Variants in EFCAB6 observed in about 807,000 individuals in gnomAD.
The protein encoded by EFCAB6 is EF-hand calcium-binding domain-containing protein 6.
A neutral mutation model predicts 169.8 loss-of-function variants in EFCAB6; 156 were observed. The observed-to-expected ratio is 0.92, with a 90% CI of 0.81 to 1.05. The LOEUF (loss-of-function observed/expected upper bound fraction) is 1.05, where lower values mean the gene tolerates loss of function less well. Among genes scored for constraint, EFCAB6 ranks in the 50% least tolerant of loss-of-function variants. The pLI is 0.00. For synonymous variants in EFCAB6, 698 were observed against 676.4 expected (o/e 1.03, Z -0.50); for missense variants, 1,800 against 1,829.1 (o/e 0.98, Z 0.29).
chr22:43,756,230 A>C (rs972733103), intron 5 of EFCAB6, among the ~76,000 whole-genome samples: 1 of 152,184 alleles, frequency 6.6e-6, no homozygotes, highest in Non-Finnish European at 1.5e-5. Flanking sequence ...TAGATGAGGA[A>C]AATGAAGGTC....
At chr22:43,753,349 G>A (rs981443773) in intron 6 of EFCAB6, among the ~76,000 whole-genome samples, 8 of 152,298 alleles carry the variant, frequency 5.3e-5, no homozygotes, top group East Asian at 1.9e-4. Context: ...TGAGGAATGC[G>A]CCAGGACTTA....
chr22:43,669,579 G>T (rs975425428), intron 15 of EFCAB6, among the ~76,000 whole-genome samples: 2 of 152,178 alleles, frequency 1.3e-5, no homozygotes, highest in African/African-American at 4.8e-5. Flanking sequence ...AGGGAGTGAT[G>T]ATGAATTGCT....
chr22:43,618,971 G>A (rs2053936453), intron 20 of EFCAB6, among the ~76,000 whole-genome samples: 1 of 151,818 alleles, frequency 6.6e-6, no homozygotes. Context: ...GAGACATGCG[G>A]AGCAGCACAG....
chr22:43,773,705 G>T (rs1160956009), intron 3 of EFCAB6, among the ~76,000 whole-genome samples: 1 of 152,190 alleles, frequency 6.6e-6, no homozygotes, highest in Non-Finnish European at 1.5e-5. Context: ...AAATTAGCTG[G>T]GTGTGGTGGC....
At chr22:43,811,305 GGGAGGGGAGC>G (rs1444824004) in intron 1 of EFCAB6, among the ~76,000 whole-genome samples, 1 of 143,018 alleles carries the variant, frequency 7.0e-6, no homozygotes, top group Non-Finnish European at 1.5e-5. Flanking sequence ...GGGAGGGAAG[GGGAGGGGAGC>G]GGAGGGGAAG....
At chr22:43,699,571 T>C (rs908728242) in intron 10 of EFCAB6, among the ~76,000 whole-genome samples, 1 of 152,172 alleles carries the variant, frequency 6.6e-6, no homozygotes, top group Non-Finnish European at 1.5e-5. Context: ...CTCTGACCAA[T>C]GTAATGTTCA....
At chr22:43,670,532 C>G (rs531273226) in intron 15 of EFCAB6, among the ~76,000 whole-genome samples, 2 of 152,190 alleles carry the variant, frequency 1.3e-5, no homozygotes, top group Non-Finnish European at 2.9e-5. Context: ...TAAATCGCAG[C>G]TGTAATAACA....
At chr22:43,604,502 C>T (rs1381951455) in intron 22 of EFCAB6, among the ~76,000 whole-genome samples, 1 of 152,154 alleles carries the variant, frequency 6.6e-6, no homozygotes, top group Admixed American at 6.5e-5. Context: ...TAAAAGTCAC[C>T]CTCTGACATC....
intron 10 of EFCAB6, among the ~76,000 whole-genome samples, chr22:43,707,812 A>C (rs1569421851): frequency 6.6e-6 from 1 of 152,222 alleles, no homozygotes; most frequent in African/African-American, 2.4e-5. Flanking sequence ...TAATGAGCAA[A>C]CAAACTGGTA....
chr22:43,772,891 C>G lies in EFCAB6; in HGVS notation c.351+1G>C. The G allele has an allele frequency of 1.2e-6, 2 of 1,614,184 alleles. No individual in the cohort carries two copies. Among genetic ancestry groups the G allele is most frequent in the East Asian group, 2.2e-5 (1 of 44,882 alleles). ...TTCTAAGTATGTACAACATACAGCACCTGAGCCAACACGTCCTGAAACTGT... is the reference window on the plus strand; with the variant it reads ...TTCTAAGTATGTACAACATACAGCAGCTGAGCCAACACGTCCTGAAACTGT... On this transcript the variant is annotated splice_donor_variant, in intron 4 of 31. Transcript: ENST00000262726. LOFTEE classifies it high-confidence loss of function.
At chr22:43,678,726 T>G (rs1308441491) in intron 12 of EFCAB6, among the ~76,000 whole-genome samples, 1 of 152,080 alleles carries the variant, frequency 6.6e-6, no homozygotes, top group Non-Finnish European at 1.5e-5. Context: ...GAGAAAAAAT[T>G]TCTTCCCCCA....
chr22:43,541,754 C>G (rs1213860839), intron 27 of EFCAB6, among the ~76,000 whole-genome samples: 3 of 152,214 alleles, frequency 2.0e-5, no homozygotes, highest in Non-Finnish European at 4.4e-5. Context: ...GATGGCCCCC[C>G]TGACACCTTC....
chr22:43,732,939 T>C (rs1408997725), intron 7 of EFCAB6, among the ~76,000 whole-genome samples: 1 of 152,246 alleles, frequency 6.6e-6, no homozygotes, highest in East Asian at 1.9e-4. Context: ...CCATATGTGT[T>C]GATTTCTATA....
rs148518062 is a variant in EFCAB6, at chr22:43,663,938, T to A, written c.1983+3166A>T. ...TGCAAGCCACCGAGTCCAGGGTACT[T>A]TGTTAAAGCTGCCCAAACTGACTAA... On this transcript the variant is annotated intron_variant, in intron 17 of 31. Transcript: ENST00000262726. Among the ~76,000 whole-genome samples the A allele has an allele frequency of 3.3e-3, 500 of 152,264 alleles. 1 individual carries two copies. Among genetic ancestry groups the A allele is most frequent in the African/African-American group, 0.012 (480 of 41,548 alleles).
At chr22:43,801,419 A>T (rs753724338) in intron 2 of EFCAB6, among the ~76,000 whole-genome samples, 1 of 152,236 alleles carries the variant, frequency 6.6e-6, no homozygotes, top group Non-Finnish European at 1.5e-5. Context: ...AAGTACACAG[A>T]CAAACCTGGG....
At position 43,587,443 on chromosome 22, in the gene EFCAB6, TTGTTGGCAGGAC is replaced by T. The variant is rs1477919676; in HGVS notation, c.3032+2619_3032+2630del. 3.3e-5 allele frequency among the ~76,000 whole-genome samples: 5 copies of T among 152,244 alleles called. No homozygotes were observed. The East Asian group carries it at 9.6e-4, about 29-fold the overall frequency. On this transcript the variant is annotated intron_variant, in intron 24 of 31. Transcript: ENST00000262726. The stretch of plus-strand genomic sequence containing the variant: ...ACCGGAATCTAAAATGAGTTCCCTG[TTGTTGGCAGGAC>T]TGTACTTTCCCTGGAGATTCTAGAA...
intron 8 of EFCAB6, among the ~76,000 whole-genome samples, chr22:43,727,702 G>A (rs961185385): frequency 2.0e-5 from 3 of 152,112 alleles, no homozygotes; most frequent in African/African-American, 7.2e-5. Flanking sequence ...CTTAGAGGTA[G>A]GTTCTGATTA....
At chr22:43,786,517 C>G (rs1569488883) in intron 2 of EFCAB6, among the ~76,000 whole-genome samples, 1 of 151,760 alleles carries the variant, frequency 6.6e-6, no homozygotes, top group East Asian at 2.0e-4. Flanking sequence ...GTCAGGAGAT[C>G]AAGACCATCC....
intron 2 of EFCAB6, among the ~76,000 whole-genome samples, chr22:43,805,938 G>A (rs1302116507): frequency 6.6e-6 from 1 of 152,156 alleles, no homozygotes; most frequent in Non-Finnish European, 1.5e-5. Flanking sequence ...GCCGAGGTGG[G>A]CAGATCACTT....
Sources: gnomAD v4.1 joint callset for allele counts (sites outside exome capture counted in the v4.1 genomes callset) on GRCh38, gnomAD v4.1.1 for gene constraint, MANE v1.5 for transcripts, NCBI Gene and HGNC (gene_info 2026-07-23, HGNC 2026-07-21) for gene names.